Variants in NAIP observed in about 807,000 individuals in gnomAD.
NAIP encodes NLR family apoptosis inhibitory protein.
In NAIP, 15 loss-of-function variants were observed where a neutral mutation model predicts 23.0. The ratio of observed to expected loss-of-function variants is 0.65; its 90% CI spans 0.44 to 1.00. The LOEUF (loss-of-function observed/expected upper bound fraction) is 1.00. Among genes scored for constraint, NAIP ranks in the 50% least tolerant of loss-of-function variants. The probability of loss-of-function intolerance (pLI) is 0.00; values close to 1 mark genes in which losing one functional copy is unlikely to be tolerated. For synonymous variants in NAIP, 100 were observed against 100.2 expected, an observed-to-expected ratio of 1.00 and a Z score of 0.01; for missense variants, 265 against 278.8, an observed-to-expected ratio of 0.95 and a Z score of 0.35.
chr5:71,000,522 A>C (rs1360058215), intron 8 of NAIP, among the ~76,000 whole-genome samples: 17 of 102,936 alleles, frequency 1.7e-4, no homozygotes, highest in African/African-American at 9.9e-4. Context: ...CATCTGACTA[A>C]TAATAATAAT....
intron 3 of NAIP, among the ~76,000 whole-genome samples, chr5:71,014,386 T>G (rs1209417378): frequency 1.3e-5 from 2 of 151,520 alleles, no homozygotes; most frequent in Non-Finnish European, 1.5e-5. Context: ...CAGGCTGAAG[T>G]GCAGTGGCGC....
intron 13 of NAIP, among the ~76,000 whole-genome samples, chr5:70,977,995 CAAAA>C (rs556331377): frequency 6.3e-5 from 6 of 94,718 alleles, no homozygotes; most frequent in African/African-American, 1.0e-4. Flanking sequence ...GACTCTGTCT[CAAAA>C]AAAAAAAAGA....
At chr5:71,008,801 CAAA>C (rs1187402726) in intron 5 of NAIP, among the ~76,000 whole-genome samples, 1,634 of 83,916 alleles carry the variant, frequency 0.019, 3 homozygotes, top group African/African-American at 0.092. Flanking sequence ...GAGACTGTCA[CAAA>C]AAAAAAAAAA....
intron 3 of NAIP, among the ~76,000 whole-genome samples, chr5:71,015,224 T>G (rs867732279): frequency 1.8e-4 from 28 of 151,354 alleles, no homozygotes; most frequent in African/African-American, 6.8e-4. Context: ...CAAAAAATTT[T>G]AAAAATTAGC....
At chr5:71,008,158 C>A (rs1299771244) in intron 5 of NAIP, among the ~76,000 whole-genome samples, 3 of 147,958 alleles carry the variant, frequency 2.0e-5, no homozygotes, top group Admixed American at 1.4e-4. Context: ...CAACCTCTGC[C>A]TCCCGGGCTC....
intron 3 of NAIP, among the ~76,000 whole-genome samples, chr5:71,016,130 T>A (rs2856281): frequency 8.6e-5 from 13 of 150,758 alleles, no homozygotes; most frequent in East Asian, 3.9e-4. Flanking sequence ...ACTTTTTTTT[T>A]AAGAAAACGA....
intron 13 of NAIP, among the ~76,000 whole-genome samples, chr5:70,978,797 T>C (rs1305010217): frequency 6.7e-5 from 4 of 59,726 alleles, no homozygotes; most frequent in Non-Finnish European, 1.1e-4. Context: ...CTTTCTTTTT[T>C]TTTTTTTTTT....
intron 13 of NAIP, among the ~76,000 whole-genome samples, chr5:70,978,316 T>A (rs1750396984): frequency 6.8e-6 from 1 of 148,008 alleles, no homozygotes; most frequent in African/African-American, 2.5e-5. Flanking sequence ...CTTGGCTAAT[T>A]TTTTATTTTT....
chr5:71,011,347 G>GA lies in NAIP; in HGVS notation c.595dup (p.Ser199PhefsTer14). 6.2e-7 allele frequency: 1 copy of GA among 1,605,330 alleles called. No individual in the cohort carries two copies. The highest frequency in any genetic ancestry group is 8.5e-7 in the Non-Finnish European group (1 of 1,175,116). On this transcript the variant is annotated frameshift_variant, in exon 5 of 17. Transcript: ENST00000517649. LOFTEE classifies it high-confidence loss of function. ...CCAATTTCCTAAACATCCACCACAG[G>GA]AAAAACACTGTACCGTGTCCTGTTT...
rs529949912 is a variant in NAIP, at chr5:71,013,513, G to A, written c.-3-595C>T. On this transcript the variant is annotated intron_variant, in intron 3 of 16. Transcript: ENST00000517649. ...AAATTAGCCGGGCGTGGTGGCGGGC[G>A]CCTGTAGTCCCAGCTACTCGGGAGG... Among the ~76,000 whole-genome samples the A allele has an allele frequency of 1.6e-3, 245 of 150,652 alleles. 1 individual carries two copies. Among genetic ancestry groups the A allele is most frequent in the Non-Finnish European group, 3.0e-3 (204 of 67,470 alleles).
At chr5:70,972,845 A>C (rs1750217074) in intron 16 of NAIP, among the ~76,000 whole-genome samples, 1 of 70,404 alleles carries the variant, frequency 1.4e-5, no homozygotes, top group Non-Finnish European at 3.5e-5. Context: ...CTTCCTCATA[A>C]GGAGGAAGAA....
In NAIP at chr5:71,012,212, A is replaced by G. The variant is rs565454745; in HGVS notation, c.568+136T>C. The G allele has an allele frequency of 1.5e-5, 11 of 740,754 alleles. No homozygotes were observed. The East Asian group carries it at 3.1e-4, about 21-fold the overall frequency. The allele number at this position is 740,754 out of a possible 1,614,324, so 45.9% of individuals were successfully genotyped here. A position where few individuals can be genotyped will look rare whatever the true frequency, so the allele number is the denominator to read the frequency against. ...ATAAAAATATTGATGTTGAATTTTAATAAACTAGACCTTATACCTAATATA... is the reference window on the plus strand; with the variant it reads ...ATAAAAATATTGATGTTGAATTTTAGTAAACTAGACCTTATACCTAATATA... On this transcript the variant is annotated intron_variant, in intron 4 of 16. Coordinates refer to ENST00000517649, the MANE Select transcript of NAIP (RefSeq NM_004536.3).
At chr5:71,015,365 T>C (rs1200681389) in intron 3 of NAIP, among the ~76,000 whole-genome samples, 1 of 148,940 alleles carries the variant, frequency 6.7e-6, no homozygotes, top group East Asian at 2.0e-4. Context: ...ATGAAATCTC[T>C]TTCCTCAACA....
chr5:71,012,870 C>A lies in NAIP; in HGVS notation c.46G>T (p.Asp16Tyr), dbSNP rs1003337670. Residue 16 changes from aspartate (D) to tyrosine (Y), a missense_variant, in exon 4 of 17, where the codon GAT (aspartate) becomes TAT (tyrosine). Transcript: ENST00000517649. ...GACAGCTCTGGCAGCAAATTGTGAT[C>A]AAACTGGGAGATCCTCTCGTCAGAG... is the stretch of plus-strand genomic sequence containing the variant. ...KASDERISQF[D>Y]HNLLPELSAL... is the part of the protein sequence containing the mutation. 4 of 1,608,558 alleles carry A rather than the reference C, an allele frequency of 2.5e-6. No individual in the cohort carries two copies. Among genetic ancestry groups the A allele is most frequent in the African/African-American group, 2.7e-5 (2 of 74,550 alleles).
intron 13 of NAIP, among the ~76,000 whole-genome samples, chr5:70,979,584 A>AAAAATAATAAT (rs1331000647): frequency 4.7e-5 from 2 of 42,820 alleles, no homozygotes; most frequent in African/African-American, 2.2e-4. Flanking sequence ...AAAAAAAAAA[A>AAAAATAATAAT]AATAATAATA....
chr5:71,009,566 C>T (rs547465093), intron 5 of NAIP, among the ~76,000 whole-genome samples: 14 of 150,932 alleles, frequency 9.3e-5, no homozygotes, highest in African/African-American at 2.9e-4. Flanking sequence ...TGGTGCATGC[C>T]TGTAATCTCA....
At chr5:71,009,374 AAAAAG>A (rs1275260201) in intron 5 of NAIP, among the ~76,000 whole-genome samples, 288 of 149,290 alleles carry the variant, frequency 1.9e-3, no homozygotes, top group African/African-American at 6.8e-3. Flanking sequence ...AAAAAAAAAA[AAAAAG>A]AAAAGAAAGA....
chr5:70,996,627 A>AAAT (rs1398659050), intron 9 of NAIP, among the ~76,000 whole-genome samples: 2 of 135,172 alleles, frequency 1.5e-5, no homozygotes, highest in African/African-American at 5.3e-5. Flanking sequence ...TCTACTAAAA[A>AAAT]AATAAATAAA....
At chr5:71,010,556 C>T (rs1751102308) in intron 5 of NAIP, among the ~76,000 whole-genome samples, 6 of 151,466 alleles carry the variant, frequency 4.0e-5, no homozygotes, top group Admixed American at 2.6e-4. Context: ...TGTGAGCCAC[C>T]GCGCCTGGCC....
Sources: allele counts gnomAD v4.1 joint callset (sites outside exome capture counted in the v4.1 genomes callset), GRCh38; gene constraint gnomAD v4.1.1; transcripts MANE v1.5; gene names NCBI Gene and HGNC (gene_info 2026-07-23, HGNC 2026-07-21).